The following TCAF1 variants were observed in gnomAD, a reference collection of about 807,000 sequenced individuals.
TCAF1 encodes the protein TRPM8 channel-associated factor 1.
TCAF1 carries 4 observed loss-of-function variants against 27.3 expected under a neutral mutation model. That is an observed-to-expected ratio of 0.15 (90% CI 0.07 to 0.34). TCAF1 has a LOEUF of 0.34. Ranked by LOEUF, TCAF1 falls within the 10% of genes least tolerant of loss-of-function variation. The pLI is 1.00. For missense variants in TCAF1, 257 were observed against 425.8 expected, an observed-to-expected ratio of 0.60 and a Z score of 3.49; for synonymous variants, 105 against 167.1, an observed-to-expected ratio of 0.63 and a Z score of 2.87.
intron 1 of TCAF1, among the ~76,000 whole-genome samples, chr7:143,894,813 C>T (rs1258888931): frequency 6.6e-6 from 1 of 151,294 alleles, no homozygotes; most frequent in African/African-American, 2.4e-5. Flanking sequence ...ATTTGCAAAT[C>T]GCTGATACAA....
intron 1 of TCAF1, among the ~76,000 whole-genome samples, chr7:143,894,214 C>A (rs1386665968): frequency 1.3e-5 from 2 of 151,618 alleles, no homozygotes; most frequent in Admixed American, 6.6e-5. Context: ...AAAATGCAGT[C>A]CAAAATCAAA....
At chr7:143,896,572 C>T (rs971944790) in intron 1 of TCAF1, among the ~76,000 whole-genome samples, 12 of 152,024 alleles carry the variant, frequency 7.9e-5, no homozygotes, top group Non-Finnish European at 1.6e-4. Context: ...CTAGCTTCAG[C>T]GAATTTAAAA....
In TCAF1 at chr7:143,902,010, C is replaced by G. The variant is rs1161384508; in HGVS notation, c.-64G>C. The G allele has an allele frequency of 6.6e-6, 1 of 152,310 alleles. No homozygotes were observed. Among genetic ancestry groups the G allele is most frequent in the Non-Finnish European group, 1.5e-5 (1 of 68,106 alleles). The allele number at this position is 152,310 out of a possible 1,614,324, so 9.4% of individuals were successfully genotyped here. On this transcript the variant is annotated 5_prime_UTR_variant, in exon 1 of 9. Transcript: ENST00000479870. ...CGGGCCTCTCCTGGTCCAGAGTCTACGCTGAACCCCACTCACTGTTTGCCC... is the reference window on the plus strand; with the variant it reads ...CGGGCCTCTCCTGGTCCAGAGTCTAGGCTGAACCCCACTCACTGTTTGCCC...
At chr7:143,888,357 G>A (rs1813510229) in intron 1 of TCAF1, among the ~76,000 whole-genome samples, 1 of 152,094 alleles carries the variant, frequency 6.6e-6, no homozygotes, top group Admixed American at 6.5e-5. Flanking sequence ...ACTCTATGGG[G>A]TTTCCAGCCT....
chr7:143,884,782 A>G (rs1354338706), intron 1 of TCAF1, among the ~76,000 whole-genome samples: 2 of 152,138 alleles, frequency 1.3e-5, no homozygotes, highest in Non-Finnish European at 2.9e-5. Context: ...GCGCTGAAGC[A>G]AAGGTGATAA....
At chr7:143,879,176 C>T (rs1265784489) in intron 1 of TCAF1, among the ~76,000 whole-genome samples, 1 of 152,178 alleles carries the variant, frequency 6.6e-6, no homozygotes, top group African/African-American at 2.4e-5. Flanking sequence ...CCAAATCTTT[C>T]TATCTACGGA....
At chr7:143,886,969 G>A (rs1388927315) in intron 1 of TCAF1, among the ~76,000 whole-genome samples, 1 of 150,342 alleles carries the variant, frequency 6.7e-6, no homozygotes, top group Non-Finnish European at 1.5e-5. Context: ...CGCTCCCAAA[G>A]TACTGGGATT....
At chr7:143,880,122 TTA>T (rs1812937183) in intron 1 of TCAF1, among the ~76,000 whole-genome samples, 1 of 152,222 alleles carries the variant, frequency 6.6e-6, no homozygotes, top group African/African-American at 2.4e-5. Flanking sequence ...GTGGTAGTAA[TTA>T]TTATTAGTAG....
chr7:143,894,945 G>A (rs879774037), intron 1 of TCAF1, among the ~76,000 whole-genome samples: 3 of 151,408 alleles, frequency 2.0e-5, no homozygotes, highest in Non-Finnish European at 4.4e-5. Flanking sequence ...CACAAAATAT[G>A]GTATTCAAAT....
chr7:143,890,151 G>GTTATT (rs140060893), intron 1 of TCAF1, among the ~76,000 whole-genome samples: 2 of 151,780 alleles, frequency 1.3e-5, no homozygotes, highest in African/African-American at 2.4e-5. Context: ...ACCACACCCA[G>GTTATT]TTATTTTATT....
chr7:143,859,972 TAA>T (rs1402896345), intron 6 of TCAF1, among the ~76,000 whole-genome samples: 1 of 41,656 alleles, frequency 2.4e-5, no homozygotes, highest in African/African-American at 7.2e-5. Context: ...ATATATTATA[TAA>T]TATATATTAT....
At chr7:143,889,444 C>T (rs1028852232) in intron 1 of TCAF1, among the ~76,000 whole-genome samples, 1 of 152,152 alleles carries the variant, frequency 6.6e-6, no homozygotes, top group Non-Finnish European at 1.5e-5. Context: ...GAAAGTTGAG[C>T]AAACTCTCCA....
chr7:143,882,618 GCGCCCCGCACCCC>G, intron 1 of TCAF1: 1 of 985,446 alleles, frequency 1.0e-6, no homozygotes, highest in Admixed American at 6.1e-5. Flanking sequence ...CGCACCCATC[GCGCCCCGCACCCC>G]CGCCCCGGCC....
chr7:143,899,256 C>CTGG (rs1814015778), intron 1 of TCAF1, among the ~76,000 whole-genome samples: 1 of 152,190 alleles, frequency 6.6e-6, no homozygotes, highest in African/African-American at 2.4e-5. Flanking sequence ...AAAGCTAAAA[C>CTGG]ACTCTTAAAG....
chr7:143,877,091 G>A (rs942026239), intron 1 of TCAF1, among the ~76,000 whole-genome samples: 6 of 152,168 alleles, frequency 3.9e-5, no homozygotes, highest in South Asian at 4.1e-4. Context: ...AGATTGGAGC[G>A]ATGAGTCTAC....
chr7:143,884,911 G>GA (rs1813313620), intron 1 of TCAF1: 1 of 776,982 alleles, frequency 1.3e-6, no homozygotes, highest in Non-Finnish European at 1.6e-6. Context: ...CAGTATGAAA[G>GA]AAATAAGAGA....
chr7:143,876,582 C>G lies in TCAF1; in HGVS notation c.27G>C (p.Glu9Asp), dbSNP rs142533963. The G allele has an allele frequency of 1.7e-4, 256 of 1,516,378 alleles. No homozygotes were observed. The highest frequency in any genetic ancestry group is 2.2e-4 in the Non-Finnish European group (250 of 1,135,432). The allele number at this position is 1,516,378 out of a possible 1,614,324, so 93.9% of individuals were successfully genotyped here. MATPSAAF[E>D]ALMNGVTSWD... The stretch of plus-strand genomic sequence containing the variant: ...AGCTTGTCACACCATTCATAAGGGC[C>G]TCGAAGGCAGCAGAGGGAGTCGCCA... The change falls in exon 2 of 9, where the codon GAG becomes GAC. Residue 9 changes from glutamate (E) to aspartate (D), a missense_variant. This residue lies in a region of TCAF1 where 255 missense variants were observed against 260.1 expected (regional missense o/e 0.98). Coordinates refer to ENST00000479870, the MANE Select transcript of TCAF1 (RefSeq NM_014719.3).
At chr7:143,900,983 A>G (rs796125196) in intron 1 of TCAF1, among the ~76,000 whole-genome samples, 1 of 152,176 alleles carries the variant, frequency 6.6e-6, no homozygotes, top group Non-Finnish European at 1.5e-5. Context: ...AAAGCAAGGG[A>G]TTCATTAAAT....
At chr7:143,888,816 C>T (rs1384910084) in intron 1 of TCAF1, among the ~76,000 whole-genome samples, 1 of 152,046 alleles carries the variant, frequency 6.6e-6, no homozygotes, top group African/African-American at 2.4e-5. Context: ...GGAAATAAAG[C>T]ACAATGAAAG....
Sources: allele counts gnomAD v4.1 joint callset (sites outside exome capture counted in the v4.1 genomes callset), GRCh38; gene constraint gnomAD v4.1.1; regional missense constraint gnomAD v4.1.1; transcripts MANE v1.5; gene names NCBI Gene and HGNC (gene_info 2026-07-23, HGNC 2026-07-21).